The following ATL2 variants were observed in gnomAD, a reference collection of about 807,000 sequenced individuals.
ATL2 encodes atlastin GTPase 2, also known as atlastin-2.
Under a neutral mutation model 73.9 loss-of-function variants are expected in ATL2, and 31 were observed. The ratio of observed to expected loss-of-function variants is 0.42; its 90% CI spans 0.32 to 0.57. The LOEUF (loss-of-function observed/expected upper bound fraction) is 0.57, where lower values mean the gene tolerates loss of function less well. Ranked by LOEUF, ATL2 falls within the 20% of genes least tolerant of loss-of-function variation. ATL2 has a pLI of 0.14. For synonymous variants in ATL2, 291 were observed against 237.5 expected (o/e 1.23, Z -2.07); for missense variants, 738 against 702.6 (o/e 1.05, Z -0.57).
intron 1 of ATL2, among the ~76,000 whole-genome samples, chr2:38,353,144 T>C (rs1670455423): frequency 6.6e-6 from 1 of 152,238 alleles, no homozygotes; most frequent in Non-Finnish European, 1.5e-5. Context: ...ACCCAGATGC[T>C]GAATTTAGCA....
At chr2:38,329,553 CAAA>C (rs1453859918) in intron 2 of ATL2, among the ~76,000 whole-genome samples, 1 of 149,756 alleles carries the variant, frequency 6.7e-6, no homozygotes, top group East Asian at 2.0e-4. Flanking sequence ...CAGTTCTCTA[CAAA>C]TTCTTTTAGA....
chr2:38,332,061 CA>C (rs1268816484), intron 2 of ATL2, among the ~76,000 whole-genome samples: 1 of 152,042 alleles, frequency 6.6e-6, no homozygotes, highest in East Asian at 1.9e-4. Context: ...AAGCCAGTCA[CA>C]AAAGACCACA....
chr2:38,318,143 T>C (rs763310607), intron 4 of ATL2, among the ~76,000 whole-genome samples: 10 of 151,652 alleles, frequency 6.6e-5, no homozygotes, highest in Admixed American at 3.9e-4. Flanking sequence ...CTGGGCAACA[T>C]AGTGAGAATC....
At chr2:38,296,771 T>C (rs1666918645) in intron 12 of ATL2, 1 of 1,547,708 alleles carries the variant, frequency 6.5e-7, no homozygotes, top group Non-Finnish European at 8.7e-7. Flanking sequence ...GATCTCTGAC[T>C]AGCTGATTAC....
intron 9 of ATL2, among the ~76,000 whole-genome samples, chr2:38,302,865 C>G (rs546092980): frequency 6.6e-6 from 1 of 152,278 alleles, no homozygotes; most frequent in East Asian, 1.9e-4. Context: ...TACAAACAAG[C>G]CCAGACTGCA....
chr2:38,346,030 T>C (rs572665602), intron 1 of ATL2, among the ~76,000 whole-genome samples: 1 of 152,312 alleles, frequency 6.6e-6, no homozygotes, highest in African/African-American at 2.4e-5. Flanking sequence ...AATGCCAAAA[T>C]GCTATGGTGA....
chr2:38,313,053 G>T (rs545868745), intron 7 of ATL2, 98 bp downstream of exon 7: 1 of 753,358 alleles, frequency 1.3e-6, no homozygotes, highest in South Asian at 2.0e-5. Context: ...TTATTCCAAC[G>T]ACACGTAAAT....
chr2:38,299,781 G>A (rs1237828570), intron 10 of ATL2, among the ~76,000 whole-genome samples: 1 of 152,134 alleles, frequency 6.6e-6, no homozygotes, highest in Non-Finnish European at 1.5e-5. Context: ...ATAGCCTAAA[G>A]TAGTAAATGT....
chr2:38,362,676 A>G (rs1027675616), intron 1 of ATL2, among the ~76,000 whole-genome samples: 3 of 152,250 alleles, frequency 2.0e-5, no homozygotes, highest in African/African-American at 7.2e-5. Flanking sequence ...CCTACAACAC[A>G]GTTCTGAGAA....
intron 9 of ATL2, among the ~76,000 whole-genome samples, chr2:38,302,191 G>C (rs938543142): frequency 3.3e-5 from 5 of 152,150 alleles, no homozygotes; most frequent in African/African-American, 1.2e-4. Context: ...GTGGTAGCCA[G>C]GCAGTACTCA....
At chr2:38,338,026 T>C (rs994584471) in intron 2 of ATL2, among the ~76,000 whole-genome samples, 4 of 152,154 alleles carry the variant, frequency 2.6e-5, no homozygotes, top group Admixed American at 6.5e-5. Context: ...GATTTCAAAC[T>C]ACAACAGCGA....
intron 1 of ATL2, among the ~76,000 whole-genome samples, chr2:38,355,254 G>A (rs888419952): frequency 6.6e-6 from 1 of 152,072 alleles, no homozygotes; most frequent in Non-Finnish European, 1.5e-5. Context: ...AGCCTCCCGA[G>A]TAGCTGAGAT....
intron 1 of ATL2, among the ~76,000 whole-genome samples, chr2:38,361,873 TG>T (rs1281055153): frequency 1.3e-5 from 2 of 152,216 alleles, no homozygotes; most frequent in African/African-American, 4.8e-5. Flanking sequence ...TCTTCGAAGA[TG>T]TTTTTTTAAA....
At chr2:38,335,179 A>C (rs985411414) in intron 2 of ATL2, among the ~76,000 whole-genome samples, 1 of 151,782 alleles carries the variant, frequency 6.6e-6, no homozygotes, top group African/African-American at 2.4e-5. Context: ...TCGGAAAAAA[A>C]TTTTGGCAAT....
chr2:38,313,876 G>C (rs1005767785), intron 6 of ATL2, among the ~76,000 whole-genome samples: 1 of 152,098 alleles, frequency 6.6e-6, no homozygotes, highest in African/African-American at 2.4e-5. Context: ...ATGTCCCCTT[G>C]GGTGGCAAAA....
Position 38,343,426 on chromosome 2 carries a change from C to G in ATL2, c.205G>C (p.Asp69His). The change falls in exon 2 of 13, where the codon GAT (aspartate) becomes CAT (histidine). Residue 69 changes from aspartate to histidine, a missense_variant. By Grantham distance (81) the Asp-to-His change is moderately conservative (BLOSUM62 -1). Coordinates refer to ENST00000378954, the MANE Select transcript of ATL2 (RefSeq NM_001135673.4). The stretch of plus-strand genomic sequence containing the variant: ...TCATCAAGTTCAAAGTTATGGTCAT[C>G]TTCATGAGCAAGAACAATCTGTACT... ...CPVQIVLAHE[D>H]DHNFELDEEA... 6.2e-7 allele frequency: 1 copy of G among 1,613,164 alleles called. No homozygotes were observed. Among genetic ancestry groups the G allele is most frequent in the African/African-American group, 1.3e-5 (1 of 74,732 alleles).
intron 1 of ATL2, among the ~76,000 whole-genome samples, chr2:38,366,076 T>A (rs1671313769): frequency 7.1e-6 from 1 of 140,702 alleles, no homozygotes. Context: ...CCCCTCCAAC[T>A]AGATAAAATG....
intron 12 of ATL2, among the ~76,000 whole-genome samples, chr2:38,297,305 T>C (rs953673665): frequency 1.3e-5 from 2 of 152,178 alleles, no homozygotes; most frequent in African/African-American, 4.8e-5. Flanking sequence ...ATAAGCTCAA[T>C]ATTTCATGAG....
intron 8 of ATL2, among the ~76,000 whole-genome samples, chr2:38,310,057 C>T (rs1667663020): frequency 6.6e-6 from 1 of 152,136 alleles, no homozygotes; most frequent in African/African-American, 2.4e-5. Context: ...ATGCTCTCAG[C>T]CTTCAGAATT....
Sources: allele counts gnomAD v4.1 joint callset (sites outside exome capture counted in the v4.1 genomes callset), GRCh38; gene constraint gnomAD v4.1.1; transcripts MANE v1.5; gene names NCBI Gene and HGNC (gene_info 2026-07-23, HGNC 2026-07-21).